Variants in WASHC2C observed in about 807,000 individuals in gnomAD.
The protein encoded by WASHC2C is WASH complex subunit 2C.
In WASHC2C, 73 loss-of-function variants were observed where a neutral mutation model predicts 142.2. That is an observed-to-expected ratio of 0.51 (90% confidence interval 0.43 to 0.62). WASHC2C has a LOEUF of 0.62. WASHC2C is among the 20% of genes least tolerant of loss of function. The pLI is 0.00. For synonymous variants in WASHC2C, 337 were observed against 565.5 expected (o/e 0.60, Z 5.73); for missense variants, 969 against 1,531.7 (o/e 0.63, Z 6.13).
At chr10:45,759,664 C>G (rs1340712747) in intron 17 of WASHC2C, among the ~76,000 whole-genome samples, 3 of 151,904 alleles carry the variant, frequency 2.0e-5, no homozygotes, top group Non-Finnish European at 4.4e-5. Flanking sequence ...ATTAAAAAGA[C>G]AAAAATTAGC....
intron 30 of WASHC2C, among the ~76,000 whole-genome samples, chr10:45,790,873 G>T (rs2058355836): frequency 1.3e-5 from 2 of 152,160 alleles, no homozygotes; most frequent in African/African-American, 2.4e-5. Context: ...GCTAAAGTAG[G>T]CTGAGGGGAC....
At chr10:45,740,998 G>C (rs1161373805) in intron 5 of WASHC2C, among the ~76,000 whole-genome samples, 6 of 151,684 alleles carry the variant, frequency 4.0e-5, no homozygotes, top group Non-Finnish European at 7.4e-5. Flanking sequence ...CTCCAGGCTG[G>C]AGTGCGTGGC....
At chr10:45,730,619 G>A (rs2050447399) in intron 3 of WASHC2C, among the ~76,000 whole-genome samples, 2 of 147,544 alleles carry the variant, frequency 1.4e-5, no homozygotes, top group African/African-American at 5.0e-5. Context: ...AAGGATTTGG[G>A]AAGTTTCTTT....
chr10:45,787,564 GC>G (rs1204651170), intron 28 of WASHC2C, among the ~76,000 whole-genome samples: 1 of 150,264 alleles, frequency 6.7e-6, no homozygotes, highest in Non-Finnish European at 1.5e-5. Flanking sequence ...AGCAGATCAT[GC>G]CCCTCCTGCT....
intron 2 of WASHC2C, among the ~76,000 whole-genome samples, chr10:45,728,516 A>T (rs1325185240): frequency 2.0e-5 from 3 of 151,900 alleles, no homozygotes; most frequent in Non-Finnish European, 4.4e-5. Flanking sequence ...AGGTGGGCGA[A>T]TCACGAGGTC....
chr10:45,769,156 C>G (rs1294646438), intron 19 of WASHC2C, among the ~76,000 whole-genome samples: 1 of 151,922 alleles, frequency 6.6e-6, no homozygotes, highest in Non-Finnish European at 1.5e-5. Context: ...CTCGCTCTGT[C>G]CCCCAGGCTG....
intron 22 of WASHC2C, among the ~76,000 whole-genome samples, 185 bp from the exon 23 acceptor site, chr10:45,778,767 CT>C (rs1394948389): frequency 7.8e-4 from 116 of 147,952 alleles, no homozygotes; most frequent in Admixed American, 1.3e-3. Flanking sequence ...ACAAGACTGT[CT>C]CTTGGAGCAG....
At chr10:45,741,476 T>C (rs2052041406) in intron 5 of WASHC2C, among the ~76,000 whole-genome samples, 1 of 152,028 alleles carries the variant, frequency 6.6e-6, no homozygotes, top group African/African-American at 2.4e-5. Context: ...TTTTTCCCCT[T>C]GCAGAGAAAG....
rs1341172034 is a variant in WASHC2C at position 45,741,733 on chromosome 10, G to A, written c.528+1487G>A. On this transcript the variant is annotated intron_variant, in intron 5 of 30. Coordinates refer to ENST00000623400, the MANE Select transcript of WASHC2C (RefSeq NM_001330074.2). The stretch of plus-strand genomic sequence containing the variant: ...AAAGGGCAATGCCTCACAGGGGACA[G>A]GGCAGCATTTCCTTCAGCAGTGGAG... Among the ~76,000 whole-genome samples, 4 of 151,798 alleles carry A rather than the reference G, an allele frequency of 2.6e-5. No homozygotes were observed. In the East Asian group the frequency reaches 5.8e-4, roughly 22 times the overall value.
chr10:45,728,195 A>G (rs570053550), intron 2 of WASHC2C, among the ~76,000 whole-genome samples: 168 of 152,080 alleles, frequency 1.1e-3, no homozygotes, highest in Admixed American at 2.1e-3. Flanking sequence ...TGATTTGTTT[A>G]TTTATTTAAT....
In WASHC2C at chr10:45,766,032, A is replaced by G. The variant is rs1236370310; in HGVS notation, c.1869+222A>G. Among the ~76,000 whole-genome samples the G allele has an allele frequency of 3.3e-5, 5 of 152,218 alleles. No individual in the cohort carries two copies. In the East Asian group the frequency reaches 7.7e-4, roughly 23 times the overall value. On this transcript the variant is annotated intron_variant, in intron 19 of 30. Transcript: ENST00000623400. ...TAGGAATAAGTATGACTCCCACACA[A>G]TAGTGTATGCTCCTTCAAATGAGTT...
At position 45,743,473 on chromosome 10, in the gene WASHC2C, G is replaced by A. The variant is rs782160846; in HGVS notation, c.612G>A (p.Leu204=). The A allele has an allele frequency of 1.2e-6, 2 of 1,611,634 alleles. No homozygotes were observed. Among genetic ancestry groups the A allele is most frequent in the Non-Finnish European group, 1.7e-6 (2 of 1,179,758 alleles). Residue 204 remains leucine (L), a synonymous_variant, in exon 6 of 31, where the codon CTG becomes CTA. Coordinates refer to ENST00000623400, the MANE Select transcript of WASHC2C (RefSeq NM_001330074.2). The part of the protein sequence containing the change: ...MEQEDVGLGE[L]SSEEGSVGSD... ...AAGAAGATGTAGGTCTTGGAGAGCTGTCCAGTGAAGGTACTTTTCTTCACC... is the reference window on the plus strand; with the variant it reads ...AAGAAGATGTAGGTCTTGGAGAGCTATCCAGTGAAGGTACTTTTCTTCACC...
At chr10:45,779,763 G>T (rs545233345) in intron 23 of WASHC2C, among the ~76,000 whole-genome samples, 1 of 152,188 alleles carries the variant, frequency 6.6e-6, no homozygotes, top group East Asian at 1.9e-4. Context: ...AAGGTGGGTG[G>T]ATCACAAGGT....
Position 45,744,801 on chromosome 10 carries a change from C to T in WASHC2C, c.623-20C>T, listed in dbSNP as rs1239952836. 2.1e-5 allele frequency: 12 copies of T among 569,328 alleles called. No homozygotes were observed. The highest frequency in any genetic ancestry group is 3.4e-5 in the Non-Finnish European group (11 of 323,676). 35.3% of individuals were successfully genotyped at this position (569,328 alleles called of 1,614,324 possible). A position where few individuals can be genotyped will look rare whatever the true frequency, so the allele number is the denominator to read the frequency against. On this transcript the variant is annotated intron_variant, in intron 6 of 30. Coordinates refer to ENST00000623400, the MANE Select transcript of WASHC2C (RefSeq NM_001330074.2). ...TCTTGTGAATATTGGTGTGGTGACCCTTATCTCTCTTCTCAACAGAAGGCT... is the reference window on the plus strand; with the variant it reads ...TCTTGTGAATATTGGTGTGGTGACCTTTATCTCTCTTCTCAACAGAAGGCT...
At chr10:45,729,796 T>A (rs2050319993) in intron 3 of WASHC2C, among the ~76,000 whole-genome samples, 1 of 148,636 alleles carries the variant, frequency 6.7e-6, no homozygotes. Flanking sequence ...CTCCCGAGAT[T>A]GTTAGATATA....
intron 17 of WASHC2C, among the ~76,000 whole-genome samples, chr10:45,761,852 A>G (rs1554880116): frequency 6.6e-6 from 1 of 152,164 alleles, no homozygotes; most frequent in African/African-American, 2.4e-5. Flanking sequence ...AACATGCAGG[A>G]GGGGCACGGG....
chr10:45,752,187 G>A (rs1423385439), intron 11 of WASHC2C, among the ~76,000 whole-genome samples: 2 of 152,216 alleles, frequency 1.3e-5, no homozygotes, highest in African/African-American at 4.8e-5. Context: ...AAACAGCCAT[G>A]TCGATTACAT....
chr10:45,758,180 G>A (rs1443338917), intron 16 of WASHC2C, among the ~76,000 whole-genome samples: 14 of 152,240 alleles, frequency 9.2e-5, no homozygotes, highest in African/African-American at 3.1e-4. Flanking sequence ...ATACAAGCAG[G>A]CAGGGTTGTG....
intron 26 of WASHC2C, among the ~76,000 whole-genome samples, chr10:45,786,186 G>A (rs2058028922): frequency 6.6e-6 from 1 of 152,042 alleles, no homozygotes; most frequent in South Asian, 2.1e-4. Flanking sequence ...TGAGGCACTT[G>A]GACGAACACA....
Sources: gnomAD v4.1 joint callset for allele counts (sites outside exome capture counted in the v4.1 genomes callset) on GRCh38, gnomAD v4.1.1 for gene constraint, MANE v1.5 for transcripts, NCBI Gene and HGNC (gene_info 2026-07-23, HGNC 2026-07-21) for gene names.